The following PDE3A variants were observed in gnomAD, a reference collection of about 807,000 sequenced individuals.
PDE3A encodes cGMP-inhibited 3',5'-cyclic phosphodiesterase 3A.
Under a neutral mutation model 98.3 loss-of-function variants are expected in PDE3A, and 43 were observed. The ratio of observed to expected loss-of-function variants is 0.44; its 90% confidence interval spans 0.34 to 0.56. The LOEUF is 0.56. Ranked by LOEUF, PDE3A falls within the 20% of genes least tolerant of loss-of-function variation. The pLI is 0.01. For missense variants in PDE3A, 1,427 were observed against 1,440.7 expected, an observed-to-expected ratio of 0.99 and a Z score of 0.15; for synonymous variants, 663 against 567.9, an observed-to-expected ratio of 1.17 and a Z score of -2.38.
intron 14 of PDE3A, among the ~76,000 whole-genome samples, chr12:20,653,461 C>T (rs940980503): frequency 6.6e-6 from 1 of 151,906 alleles, no homozygotes; most frequent in African/African-American, 2.4e-5. Context: ...CTCCTGGGTT[C>T]AAGTGATTCT....
chr12:20,386,460 T>A (rs1436612329), intron 1 of PDE3A, among the ~76,000 whole-genome samples: 1 of 151,172 alleles, frequency 6.6e-6, no homozygotes, highest in Non-Finnish European at 1.5e-5. Context: ...ATGGCCTTTG[T>A]CCACTTTTTA....
In PDE3A at chr12:20,680,134, G is replaced by A. The variant is rs143256325; in HGVS notation, c.3289G>A (p.Ala1097Thr). 17 of 1,613,692 alleles carry A rather than the reference G, an allele frequency of 1.1e-5. No individual in the cohort carries two copies. The Middle Eastern group carries it at 4.9e-4, about 47-fold the overall frequency. Residue 1097 changes from alanine (A) to threonine (T), a missense_variant, in exon 16 of 16, where the codon GCA (alanine) becomes ACA (threonine). Around this residue, in one of 3 missense-constraint regions of PDE3A, gnomAD observed 142 missense variants for 133.9 expected, o/e 1.06. Transcript: ENST00000359062. ...AGTCATTGAAGAGGAGCAACGGTTGGCAGGCATAGAAAATCAATCCCTGGA... is the reference window on the plus strand; with the variant it reads ...AGTCATTGAAGAGGAGCAACGGTTGACAGGCATAGAAAATCAATCCCTGGA... ...KKVIEEEQRL[A>T]GIENQSLDQT...
chr12:20,482,789 A>C (rs1591977281), intron 1 of PDE3A, among the ~76,000 whole-genome samples: 1 of 152,202 alleles, frequency 6.6e-6, no homozygotes, highest in Non-Finnish European at 1.5e-5. Context: ...TTATTTCTTC[A>C]GCAGCTGCTC....
chr12:20,395,522 G>A (rs1234080771), intron 1 of PDE3A, among the ~76,000 whole-genome samples: 1 of 142,780 alleles, frequency 7.0e-6, no homozygotes, highest in Non-Finnish European at 1.5e-5. Flanking sequence ...TATACTATGT[G>A]TACACATAGT....
chr12:20,407,322 C>G (rs1187142064), intron 1 of PDE3A, among the ~76,000 whole-genome samples: 5 of 152,054 alleles, frequency 3.3e-5, no homozygotes, highest in African/African-American at 1.2e-4. Flanking sequence ...TTTTGTTTTC[C>G]TCATAAATAC....
At position 20,612,686 on chromosome 12, in the gene PDE3A, A is replaced by ATAGTTACTTATATAAGTAATATAGTTACT. The variant is rs1565449002; in HGVS notation, c.1012-755_1012-754insGTTACTTATATAAGTAATATAGTTACTTA. Among the ~76,000 whole-genome samples the ATAGTTACTTATATAAGTAATATAGTTACT allele has an allele frequency of 3.9e-5, 2 of 50,920 alleles. 1 individual carries two copies. The highest frequency in any genetic ancestry group is 1.4e-4 in the African/African-American group (2 of 14,290). The allele number at this position is 50,920 out of a possible 152,430, so 33.4% of individuals were successfully genotyped here. The stretch of plus-strand genomic sequence containing the variant: ...AATATAGTTACTTATATAAGTAACT[A>ATAGTTACTTATATAAGTAATATAGTTACT]TATATAAGTAATATAGTTACTTATA... On this transcript the variant is annotated intron_variant, in intron 2 of 15. Transcript: ENST00000359062.
chr12:20,661,447 AATGTCTCCAGTAT>A, intron 15 of PDE3A, among the ~76,000 whole-genome samples: 1 of 152,214 alleles, frequency 6.6e-6, no homozygotes, highest in Non-Finnish European at 1.5e-5. Flanking sequence ...CAATGGGGAA[AATGTCTCCAGTAT>A]ATGTCAGAGG....
chr12:20,402,966 G>A (rs1304367062), intron 1 of PDE3A, among the ~76,000 whole-genome samples: 1 of 152,152 alleles, frequency 6.6e-6, no homozygotes, highest in Non-Finnish European at 1.5e-5. Flanking sequence ...AACATTTGAT[G>A]AAAGGAAGTT....
intron 14 of PDE3A, among the ~76,000 whole-genome samples, chr12:20,653,038 C>G (rs1944958974): frequency 6.6e-6 from 1 of 151,932 alleles, no homozygotes; most frequent in South Asian, 2.1e-4. Context: ...ATAATAATAC[C>G]ACTTCTTAGG....
At chr12:20,472,564 A>G (rs143202058) in intron 1 of PDE3A, among the ~76,000 whole-genome samples, 1 of 129,146 alleles carries the variant, frequency 7.7e-6, no homozygotes, top group Non-Finnish European at 1.6e-5. Context: ...GTCATCCCTC[A>G]GGGGTTTTAT....
Position 20,554,584 on chromosome 12 carries a change from CT to C in PDE3A, c.961-2066del, listed in dbSNP as rs61081178. ...CAAAAGTCTATTTTTCTTTTTCTTTCTTTTTTTTTTCTTTTTTTGTGAGACA... is the reference window on the plus strand; with the variant it reads ...CAAAAGTCTATTTTTCTTTTTCTTTCTTTTTTTTTCTTTTTTTGTGAGACA... On this transcript the variant is annotated intron_variant, in intron 1 of 15. Transcript: ENST00000359062. Among the ~76,000 whole-genome samples, 799 of 146,284 alleles carry C rather than the reference CT, an allele frequency of 5.5e-3. 8 individuals are homozygous for C. Among genetic ancestry groups the C allele is most frequent in the African/African-American group, 0.019 (760 of 39,988 alleles).
intron 1 of PDE3A, among the ~76,000 whole-genome samples, chr12:20,392,491 A>G (rs1173830891): frequency 1.3e-5 from 2 of 150,642 alleles, no homozygotes; most frequent in Non-Finnish European, 3.0e-5. Context: ...TGGGCAACAT[A>G]GTGAGATCCT....
chr12:20,553,735 G>A (rs1008865645), intron 1 of PDE3A, among the ~76,000 whole-genome samples: 1 of 152,262 alleles, frequency 6.6e-6, no homozygotes, highest in African/African-American at 2.4e-5. Context: ...GACGCTGTCC[G>A]ACGAAGGCGG....
intron 1 of PDE3A, among the ~76,000 whole-genome samples, chr12:20,533,775 C>T (rs183249544): frequency 7.9e-5 from 12 of 152,124 alleles, no homozygotes; most frequent in East Asian, 3.9e-4. Flanking sequence ...CATGAGCCAC[C>T]GCGCCCGGCC....
intron 1 of PDE3A, among the ~76,000 whole-genome samples, chr12:20,543,270 T>A (rs926886311): frequency 5.9e-5 from 9 of 151,818 alleles, no homozygotes; most frequent in Middle Eastern, 3.4e-3. Context: ...GTTTTTTTTT[T>A]AAACAGGCCT....
chr12:20,413,049 CAG>C (rs1480300612), intron 1 of PDE3A, among the ~76,000 whole-genome samples: 2 of 152,168 alleles, frequency 1.3e-5, no homozygotes, highest in African/African-American at 4.8e-5. Flanking sequence ...AAATGATAAA[CAG>C]AGTAACACTA....
intron 15 of PDE3A, among the ~76,000 whole-genome samples, chr12:20,671,051 T>G (rs1945463610): frequency 8.3e-6 from 1 of 120,506 alleles, no homozygotes; most frequent in African/African-American, 3.5e-5. Flanking sequence ...CGCACTACCA[T>G]CAGAGAATAC....
At chr12:20,554,833 A>C (rs1592052728) in intron 1 of PDE3A, among the ~76,000 whole-genome samples, 1 of 152,252 alleles carries the variant, frequency 6.6e-6, no homozygotes, top group East Asian at 1.9e-4. Context: ...TTAGTTGAAT[A>C]ATTCATCAAA....
In PDE3A at chr12:20,457,913, G is replaced by T. The variant is rs564257449; in HGVS notation, c.960+87669G>T. Among the ~76,000 whole-genome samples the T allele has an allele frequency of 2.6e-5, 4 of 152,026 alleles. No individual in the cohort carries two copies. The East Asian group carries it at 7.7e-4, about 29-fold the overall frequency. On this transcript the variant is annotated intron_variant, in intron 1 of 15. Transcript: ENST00000359062. The stretch of plus-strand genomic sequence containing the variant: ...CATTTTGAGCCTATCTTTTCAGTAA[G>T]TTTTCACAATGTTATTTATACAGTT...
Sources: gnomAD v4.1 joint callset for allele counts (sites outside exome capture counted in the v4.1 genomes callset) on GRCh38, gnomAD v4.1.1 for gene constraint, gnomAD v4.1.1 regional missense constraint, MANE v1.5 for transcripts, NCBI Gene and HGNC (gene_info 2026-07-23, HGNC 2026-07-21) for gene names.